The following ARHGAP6 variants were observed in gnomAD, a reference collection of about 807,000 sequenced individuals.
ARHGAP6 encodes rho GTPase-activating protein 6.
In ARHGAP6, 16 loss-of-function variants were observed where a neutral mutation model predicts 55.7. The observed-to-expected ratio is 0.29, with a 90% confidence interval of 0.19 to 0.44. The LOEUF (loss-of-function observed/expected upper bound fraction) is 0.44, where lower values mean the gene tolerates loss of function less well. Among genes scored for constraint, ARHGAP6 ranks in the 20% least tolerant of loss-of-function variants. The pLI, the probability that ARHGAP6 is intolerant of heterozygous loss-of-function variation, is 1.00. For synonymous variants in ARHGAP6, 382 were observed against 360.9 expected, an observed-to-expected ratio of 1.06 and a Z score of -0.66; for missense variants, 698 against 808.9, an observed-to-expected ratio of 0.86 and a Z score of 1.66.
intron 1 of ARHGAP6, among the ~76,000 whole-genome samples, chrX:11,381,515 A>G (rs1228069777): frequency 8.9e-6 from 1 of 112,208 alleles, no homozygotes; most frequent in African/African-American, 3.2e-5. Flanking sequence ...TGTCCAAAGA[A>G]CAAAAGTAAC....
At chrX:11,195,299 C>A (rs2046515365) in intron 3 of ARHGAP6, among the ~76,000 whole-genome samples, 1 of 108,826 alleles carries the variant, frequency 9.2e-6, no homozygotes, top group South Asian at 4.1e-4. Flanking sequence ...TTGCAGTGAG[C>A]CGAGATTGCA....
chrX:11,563,000 T>G (rs1438690097), intron 1 of ARHGAP6, among the ~76,000 whole-genome samples: 5 of 112,044 alleles, frequency 4.5e-5, no homozygotes, highest in African/African-American at 1.3e-4. Flanking sequence ...CCATGTGTAT[T>G]GGACTAACTT....
At chrX:11,650,728 T>A (rs1000175465) in intron 1 of ARHGAP6, among the ~76,000 whole-genome samples, 34 of 112,735 alleles carry the variant, frequency 3.0e-4, no homozygotes, top group Non-Finnish European at 5.4e-4. Flanking sequence ...TGAGAAAAAG[T>A]AATATATTTA....
intron 1 of ARHGAP6, among the ~76,000 whole-genome samples, chrX:11,340,886 C>A (rs2048697123): frequency 9.0e-6 from 1 of 111,525 alleles, no homozygotes; most frequent in Non-Finnish European, 1.9e-5. Context: ...ACCATTTCAT[C>A]CCTAGCACCT....
chrX:11,422,607 T>C (rs189708434), intron 1 of ARHGAP6, among the ~76,000 whole-genome samples: 30 of 112,009 alleles, frequency 2.7e-4, no homozygotes, highest in Admixed American at 1.9e-3. Context: ...ATGAAACAGG[T>C]GACAGGGAAG....
chrX:11,524,737 T>C (rs1014662359), intron 1 of ARHGAP6, among the ~76,000 whole-genome samples: 3 of 111,019 alleles, frequency 2.7e-5, no homozygotes, highest in African/African-American at 6.6e-5. Context: ...TTCTGGATGA[T>C]TCAAGCGCAT....
chrX:11,565,073 T>C (rs1246261585), intron 1 of ARHGAP6, among the ~76,000 whole-genome samples: 2 of 112,365 alleles, frequency 1.8e-5, no homozygotes, highest in Non-Finnish European at 3.8e-5. Flanking sequence ...CTCAGAGTAC[T>C]ACTCTACTAT....
Position 11,146,853 on chromosome X carries a change from C to A in ARHGAP6, c.1908-2605G>T, listed in dbSNP as rs2045699197. Reference sequence around the variant, plus strand: ...GCTCTTTCTTACTTAGAGTTAATAGCCTTTTAAAATGTTTAAAATATTTCC... The same window carrying A: ...GCTCTTTCTTACTTAGAGTTAATAGACTTTTAAAATGTTTAAAATATTTCC... On this transcript the variant is annotated intron_variant, in intron 10 of 12. Transcript: ENST00000337414. Among the ~76,000 whole-genome samples, 3 of 111,863 alleles carry A rather than the reference C, an allele frequency of 2.7e-5. No homozygotes were observed. The South Asian group carries it at 1.1e-3, about 42-fold the overall frequency.
intron 1 of ARHGAP6, among the ~76,000 whole-genome samples, chrX:11,596,233 T>C (rs1402450990): frequency 8.9e-6 from 1 of 112,106 alleles, no homozygotes; most frequent in Non-Finnish European, 1.9e-5. Context: ...CATGGAATAC[T>C]ATGCAGTCAT....
chrX:11,512,012 G>C (rs1403261579), intron 1 of ARHGAP6, among the ~76,000 whole-genome samples: 1 of 110,538 alleles, frequency 9.0e-6, no homozygotes, highest in Non-Finnish European at 1.9e-5. Flanking sequence ...ATTTTTAGTA[G>C]AGACAGGGTT....
At chrX:11,592,121 C>A (rs1256521345) in intron 1 of ARHGAP6, among the ~76,000 whole-genome samples, 1 of 111,704 alleles carries the variant, frequency 9.0e-6, no homozygotes, top group Non-Finnish European at 1.9e-5. Flanking sequence ...GACAAAGAGC[C>A]TGAGAGGGTT....
intron 1 of ARHGAP6, among the ~76,000 whole-genome samples, chrX:11,540,509 T>C (rs2051147385): frequency 9.0e-6 from 1 of 110,982 alleles, no homozygotes; most frequent in South Asian, 3.9e-4. Context: ...AAATTACCCA[T>C]AGGACAGATA....
Position 11,276,173 on chromosome X carries a change from G to A in ARHGAP6, c.589-21466C>T, listed in dbSNP as rs930251209. 2.0e-4 allele frequency among the ~76,000 whole-genome samples: 22 copies of A among 111,201 alleles called. No homozygotes were observed. The East Asian group carries it at 6.0e-3, about 30-fold the overall frequency. On this transcript the variant is annotated intron_variant, in intron 1 of 12. Transcript: ENST00000337414. ...AGCTATTTTTCCAGAAAACTCTAAC[G>A]TCACCGATACGTCCCTCCTATGTAA...
intron 1 of ARHGAP6, among the ~76,000 whole-genome samples, chrX:11,348,557 T>G (rs12014027): frequency 0.06 from 6,703 of 112,068 alleles, 213 homozygotes; most frequent in African/African-American, 0.12. Flanking sequence ...TAGCTCACCA[T>G]GGGAACTCAG....
At chrX:11,207,231 G>A (rs1163685145) in intron 2 of ARHGAP6, among the ~76,000 whole-genome samples, 1 of 107,457 alleles carries the variant, frequency 9.3e-6, no homozygotes, top group African/African-American at 3.4e-5. Flanking sequence ...GTCTCACTAT[G>A]TTGGCCAGGT....
chrX:11,509,902 C>T lies in ARHGAP6; in HGVS notation c.588+154339G>A, dbSNP rs142054935. ...GAAAAGGTCCAGTGGTTTCATAGGC[C>T]CCACTTCCAGGAATAACTCCTCTCA... is the stretch of plus-strand genomic sequence containing the variant. On this transcript the variant is annotated intron_variant, in intron 1 of 12. Transcript: ENST00000337414. Among the ~76,000 whole-genome samples the T allele has an allele frequency of 3.6e-3, 399 of 111,582 alleles. 2 individuals are homozygous for T. The highest frequency in any genetic ancestry group is 0.013 in the African/African-American group (384 of 30,719).
At chrX:11,353,231 C>T (rs1051591716) in intron 1 of ARHGAP6, among the ~76,000 whole-genome samples, 10 of 111,765 alleles carry the variant, frequency 8.9e-5, no homozygotes, top group Non-Finnish European at 1.9e-4. Flanking sequence ...CAGAGGTAAG[C>T]CCCAGCAAAA....
At chrX:11,434,261 C>T (rs1162004927) in intron 1 of ARHGAP6, among the ~76,000 whole-genome samples, 1 of 112,089 alleles carries the variant, frequency 8.9e-6, no homozygotes, top group Non-Finnish European at 1.9e-5. Context: ...ATAATTTCCA[C>T]TTAGCAGTAC....
At chrX:11,194,482 A>G (rs1245823129) in intron 3 of ARHGAP6, among the ~76,000 whole-genome samples, 6 of 112,302 alleles carry the variant, frequency 5.3e-5, no homozygotes, top group Non-Finnish European at 7.5e-5. Context: ...TAAAGGTTCC[A>G]CAAGTGATTC....
Sources: gnomAD v4.1 joint callset for allele counts (sites outside exome capture counted in the v4.1 genomes callset) on GRCh38, gnomAD v4.1.1 for gene constraint, MANE v1.5 for transcripts, NCBI Gene and HGNC (gene_info 2026-07-23, HGNC 2026-07-21) for gene names.